The following MFSD6 variants were observed in gnomAD, a reference collection of about 807,000 sequenced individuals.
MFSD6 encodes the protein major facilitator superfamily domain-containing protein 6.
A neutral mutation model predicts 56.3 loss-of-function variants in MFSD6; 26 were observed. The ratio of observed to expected loss-of-function variants is 0.46; its 90% CI spans 0.34 to 0.64. The LOEUF is 0.64. Ranked by LOEUF, MFSD6 falls within the 30% of genes least tolerant of loss-of-function variation. The pLI, the probability that MFSD6 is intolerant of heterozygous loss-of-function variation, is 0.01. For synonymous variants in MFSD6, 331 were observed against 366.9 expected, an observed-to-expected ratio of 0.90 and a Z score of 1.12; for missense variants, 750 against 986.2, an observed-to-expected ratio of 0.76 and a Z score of 3.21.
upstream of MFSD6, chr2:190,408,270 G>A (rs2124969870): frequency 1.3e-5 from 2 of 151,974 alleles, no homozygotes; most frequent in African/African-American, 4.8e-5. Flanking sequence ...CGCGCCGGCG[G>A]GAGCGCTGGG....
At chr2:190,411,130 AC>A (rs1220649658) in intron 1 of MFSD6, 1 of 980,726 alleles carries the variant, frequency 1.0e-6, no homozygotes, top group Admixed American at 6.3e-5. Flanking sequence ...AGGCACACAT[AC>A]GCCTTTTTGT....
At position 190,497,688 on chromosome 2, in the gene MFSD6, A is replaced by G. The variant is rs1689780794; in HGVS notation, c.2141A>G (p.Asp714Gly). 2 of 1,614,082 alleles carry G rather than the reference A, an allele frequency of 1.2e-6. No individual in the cohort carries two copies. The highest frequency in any genetic ancestry group is 1.7e-6 in the Non-Finnish European group (2 of 1,179,930). ...AAAGAGATGATGCAACTCACAAGAG[A>G]CAACCGTGCTTCTGAGATACAGCCT... is the stretch of plus-strand genomic sequence containing the variant. ...QIKEMMQLTRDNRASEIQPLQ... is the reference protein window; with the variant it reads ...QIKEMMQLTRGNRASEIQPLQ... The change falls in exon 7 of 8, where the codon GAC becomes GGC. Residue 714 changes from aspartate (D) to glycine (G), a missense_variant. This residue lies in a region of MFSD6 where 172 missense variants were observed against 203.9 expected (regional missense o/e 0.84). Coordinates refer to ENST00000392328, the MANE Select transcript of MFSD6 (RefSeq NM_017694.4). The surrounding 1 kb of genome is among the most constrained non-coding windows in gnomAD (Gnocchi z 5.2).
rs562882561 is a variant in MFSD6 at position 190,410,466 on chromosome 2, C to T, written c.-176+1963C>T. Among the ~76,000 whole-genome samples the T allele has an allele frequency of 2.6e-5, 4 of 152,292 alleles. No individual in the cohort carries two copies. The highest frequency in any genetic ancestry group is 6.5e-5 in the Admixed American group (1 of 15,308). ...CCTACGCAGATGTCTTCCTTAGCTT[C>T]GTGCCTTTGAAAATTAACTTGATTT... On this transcript the variant is annotated intron_variant, in intron 1 of 7. Transcript: ENST00000392328. This position sits in a 1 kb window ranked among gnomAD's most constrained non-coding sequence, Gnocchi z 4.4.
chr2:190,435,823 C>A, intron 2 of MFSD6, 154 bp from the exon 3 acceptor site: 2 of 625,618 alleles, frequency 3.2e-6, no homozygotes, highest in African/African-American at 3.7e-5. Context: ...TTTTTCCTTA[C>A]CGGTATTGTG....
At position 190,436,617 on chromosome 2, in the gene MFSD6, T is replaced by C. The variant is rs1321156053; in HGVS notation, c.588T>C (p.Arg196=). ...TCCTCACCATATCACCAAAAATGCGTGAGAAAAGAAACCTTTTGGAAACAA... is the reference window on the plus strand; with the variant it reads ...TCCTCACCATATCACCAAAAATGCGCGAGAAAAGAAACCTTTTGGAAACAA... ...TSFLTISPKM[R]EKRNLLETRL... The change falls in exon 3 of 8, where the codon CGT becomes CGC. Residue 196 remains arginine, a synonymous_variant. Transcript: ENST00000392328. The surrounding 1 kb of genome is among the most constrained non-coding windows in gnomAD (Gnocchi z 5.3). 6.2e-7 allele frequency: 1 copy of C among 1,614,184 alleles called. No individual in the cohort carries two copies. Among genetic ancestry groups the C allele is most frequent in the South Asian group, 1.1e-5 (1 of 91,076 alleles).
At position 190,500,934 on chromosome 2, in the gene MFSD6, C is replaced by G. The variant is rs373028020; in HGVS notation, c.*716C>G. The G allele has an allele frequency of 8.5e-5, 13 of 152,170 alleles. 2 individuals are homozygous for G. The highest frequency in any genetic ancestry group is 2.9e-4 in the African/African-American group (12 of 41,520). 9.4% of individuals were successfully genotyped at this position (152,170 alleles called of 1,614,324 possible). A position where few individuals can be genotyped will look rare whatever the true frequency, so the allele number is the denominator to read the frequency against. On this transcript the variant is annotated 3_prime_UTR_variant, in exon 8 of 8. Coordinates refer to ENST00000392328, the MANE Select transcript of MFSD6 (RefSeq NM_017694.4). This position sits in a 1 kb window ranked among gnomAD's most constrained non-coding sequence, Gnocchi z 5.3. ...AAAAATGCCTTTTGTTTTAAATGGG[C>G]TTTGAGAAAAAAAACAGAAACAAGC...
In MFSD6 at chr2:190,418,711, T is replaced by C. The variant is rs1690892382; in HGVS notation, c.-54+3298T>C. The stretch of plus-strand genomic sequence containing the variant: ...GGTCAAGGCTGCAGTGAGCTGTGAT[T>C]GTGCCACTGCGCTCCAGCCTGGGTG... On this transcript the variant is annotated intron_variant, in intron 2 of 7. Transcript: ENST00000392328. The surrounding 1 kb of genome is among the most constrained non-coding windows in gnomAD (Gnocchi z 4.1). Among the ~76,000 whole-genome samples, 1 of 152,204 alleles carries C rather than the reference T, an allele frequency of 6.6e-6. No homozygotes were observed. Among genetic ancestry groups the C allele is most frequent in the African/African-American group, 2.4e-5 (1 of 41,450 alleles).
At chr2:190,472,689 C>G (rs1186907407) in intron 4 of MFSD6, among the ~76,000 whole-genome samples, 1 of 152,058 alleles carries the variant, frequency 6.6e-6, no homozygotes, top group Non-Finnish European at 1.5e-5. Context: ...GAGAACTTCC[C>G]CAATCTAGCA....
Position 190,431,468 on chromosome 2 carries a change from C to T in MFSD6, c.-53-4509C>T, listed in dbSNP as rs541077298. On this transcript the variant is annotated intron_variant, in intron 2 of 7. Transcript: ENST00000392328. This position sits in a 1 kb window ranked among gnomAD's most constrained non-coding sequence, Gnocchi z 4.4. ...CTGCAATCCCGGCACCTCTGGAGGC[C>T]GAGGCTGGCGGATCACTCGCGATTA... Among the ~76,000 whole-genome samples the T allele has an allele frequency of 2.6e-5, 4 of 152,344 alleles. No individual in the cohort carries two copies. Among genetic ancestry groups the T allele is most frequent in the East Asian group, 3.9e-4 (2 of 5,182 alleles).
rs561938699 is a variant in MFSD6, at chr2:190,492,426, C to T, written c.1891+2560C>T. The stretch of plus-strand genomic sequence containing the variant: ...CACCAGATAACCTATAAAGGAAAAC[C>T]TCTCAGATTAACAGCAGATTTCTCA... On this transcript the variant is annotated intron_variant, in intron 6 of 7. Coordinates refer to ENST00000392328, the MANE Select transcript of MFSD6 (RefSeq NM_017694.4). This position sits in a 1 kb window ranked among gnomAD's most constrained non-coding sequence, Gnocchi z 5.2. Among the ~76,000 whole-genome samples the T allele has an allele frequency of 4.1e-4, 63 of 152,292 alleles. 1 individual carries two copies. The South Asian group carries it at 0.011, about 28-fold the overall frequency.
intron 4 of MFSD6, among the ~76,000 whole-genome samples, chr2:190,486,958 C>G (rs973082516): frequency 6.6e-6 from 1 of 152,214 alleles, no homozygotes. Flanking sequence ...CCTGTTATCT[C>G]TGTCTTCCTC....
At chr2:190,468,453 ATT>A (rs139847075) in intron 3 of MFSD6, among the ~76,000 whole-genome samples, 24 of 139,950 alleles carry the variant, frequency 1.7e-4, no homozygotes, top group Admixed American at 3.6e-4. Flanking sequence ...ATAGGAATGA[ATT>A]TTTTTTTTTT....
chr2:190,464,554 C>T (rs1687498493), intron 3 of MFSD6, among the ~76,000 whole-genome samples: 1 of 152,146 alleles, frequency 6.6e-6, no homozygotes, highest in Non-Finnish European at 1.5e-5. Context: ...CCCTGTCTGG[C>T]CACAGATGCT....
At chr2:190,483,040 T>G (rs931441128) in intron 4 of MFSD6, among the ~76,000 whole-genome samples, 1 of 150,910 alleles carries the variant, frequency 6.6e-6, no homozygotes, top group Non-Finnish European at 1.5e-5. Flanking sequence ...TACAGGCGCC[T>G]GCCACCGCGC....
In MFSD6 at chr2:190,424,266, T is replaced by G. The variant is rs1472486099; in HGVS notation, c.-54+8853T>G. ...TTTTTTTTCTAAATGTTTTATAGTT[T>G]CAAATTGTATAGTTAATGATCCATT... is the stretch of plus-strand genomic sequence containing the variant. On this transcript the variant is annotated intron_variant, in intron 2 of 7. Transcript: ENST00000392328. The surrounding 1 kb of genome is among the most constrained non-coding windows in gnomAD (Gnocchi z 5.9). Among the ~76,000 whole-genome samples, 1 of 151,968 alleles carries G rather than the reference T, an allele frequency of 6.6e-6. No individual in the cohort carries two copies. The highest frequency in any genetic ancestry group is 1.5e-5 in the Non-Finnish European group (1 of 68,006).
rs936317910 is a variant in MFSD6 at position 190,485,369 on chromosome 2, C to T, written c.1631-3288C>T. 1.3e-5 allele frequency among the ~76,000 whole-genome samples: 2 copies of T among 152,144 alleles called. No individual in the cohort carries two copies. The highest frequency in any genetic ancestry group is 4.8e-5 in the African/African-American group (2 of 41,424). Reference sequence around the variant, plus strand: ...ATACACATAACAAGAGGTTTGGCGTCAGCATTAAAGTTAACCTACTACCAT... The same window carrying T: ...ATACACATAACAAGAGGTTTGGCGTTAGCATTAAAGTTAACCTACTACCAT... On this transcript the variant is annotated intron_variant, in intron 4 of 7. Coordinates refer to ENST00000392328, the MANE Select transcript of MFSD6 (RefSeq NM_017694.4). This position sits in a 1 kb window ranked among gnomAD's most constrained non-coding sequence, Gnocchi z 5.1.
rs1227988121 is a variant in MFSD6, at chr2:190,438,484, C to G, written c.1532+923C>G. Among the ~76,000 whole-genome samples the G allele has an allele frequency of 6.6e-6, 1 of 152,186 alleles. No individual in the cohort carries two copies. The highest frequency in any genetic ancestry group is 1.5e-5 in the Non-Finnish European group (1 of 68,032). Reference sequence around the variant, plus strand: ...TGAGTCAAGATCACACCACTGCACACCAGCCTGGGCAACAGAGTGAGACTC... The same window carrying G: ...TGAGTCAAGATCACACCACTGCACAGCAGCCTGGGCAACAGAGTGAGACTC... On this transcript the variant is annotated intron_variant, in intron 3 of 7. Transcript: ENST00000392328. The surrounding 1 kb of genome is among the most constrained non-coding windows in gnomAD (Gnocchi z 5.2).
In MFSD6 at chr2:190,465,773, A is replaced by G. The variant is rs549269816; in HGVS notation, c.1533-3985A>G. Among the ~76,000 whole-genome samples the G allele has an allele frequency of 6.0e-4, 91 of 152,242 alleles. No individual in the cohort carries two copies. Among genetic ancestry groups the G allele is most frequent in the South Asian group, 1.0e-3 (5 of 4,822 alleles). ...TTTGGGAGGCCGAGGCAGGTGGATC[A>G]CTTTAGGTTTGGAGTTCAAGACCAG... On this transcript the variant is annotated intron_variant, in intron 3 of 7. Transcript: ENST00000392328. This position sits in a 1 kb window ranked among gnomAD's most constrained non-coding sequence, Gnocchi z 4.6.
chr2:190,412,184 CA>C lies in MFSD6; in HGVS notation c.-175-3107del. 1 of 984,554 alleles carries C rather than the reference CA, an allele frequency of 1.0e-6. No individual in the cohort carries two copies. Among genetic ancestry groups the C allele is most frequent in the Non-Finnish European group, 1.2e-6 (1 of 829,152 alleles). 61.0% of individuals were successfully genotyped at this position (984,554 alleles called of 1,614,324 possible). On this transcript the variant is annotated intron_variant, in intron 1 of 7. Transcript: ENST00000392328. This position sits in a 1 kb window ranked among gnomAD's most constrained non-coding sequence, Gnocchi z 4.1. ...TGCTTAGAATCCTTAAAAATTAATA[CA>C]TTTCCAGACTTAGAAATCCAGAGCC...
Sources: gnomAD v4.1 joint callset for allele counts (sites outside exome capture counted in the v4.1 genomes callset) on GRCh38, gnomAD v4.1.1 for gene constraint, gnomAD v4.1.1 regional missense constraint, Gnocchi (gnomAD v3.1) non-coding constraint, MANE v1.5 for transcripts, NCBI Gene and HGNC (gene_info 2026-07-23, HGNC 2026-07-21) for gene names.